RARB: variants seen among roughly 807,000 people sequenced by gnomAD.
RARB encodes retinoic acid receptor beta, also known as HBV-activated protein.
A neutral mutation model predicts 51.9 loss-of-function variants in RARB; 17 were observed. The ratio of observed to expected loss-of-function variants is 0.33; its 90% CI spans 0.22 to 0.49. The LOEUF (loss-of-function observed/expected upper bound fraction) is 0.49, where lower values mean the gene tolerates loss of function less well. Among genes scored for constraint, RARB ranks in the 20% least tolerant of loss-of-function variants. The pLI, the probability that RARB is intolerant of heterozygous loss-of-function variation, is 0.99. For missense variants in RARB, 369 were observed against 550.8 expected (o/e 0.67, Z 3.30); for synonymous variants, 215 against 195.4 (o/e 1.10, Z -0.84).
intron 2 of RARB, among the ~76,000 whole-genome samples, chr3:25,467,954 A>G (rs1053495072): frequency 5.3e-5 from 8 of 152,238 alleles, no homozygotes; most frequent in African/African-American, 1.4e-4. Context: ...AGAATGGTCT[A>G]ATAAAGAATA....
intron 2 of RARB, among the ~76,000 whole-genome samples, chr3:24,903,939 C>T (rs1207537251): frequency 1.3e-5 from 2 of 152,020 alleles, no homozygotes; most frequent in African/African-American, 4.8e-5. Flanking sequence ...AAAGTAAAAA[C>T]CATATTTCTG....
At chr3:25,384,462 C>T (rs1362109859) in intron 5 of RARB, among the ~76,000 whole-genome samples, 1 of 152,198 alleles carries the variant, frequency 6.6e-6, no homozygotes, top group Non-Finnish European at 1.5e-5. Context: ...ACTGGACTCT[C>T]AACTCCTATC....
At position 25,227,730 on chromosome 3, in the gene RARB, C is replaced by T. The variant is rs12054035; in HGVS notation, c.178+53155C>T. On this transcript the variant is annotated intron_variant, in intron 5 of 11. Transcript: ENST00000383772. ...CCAATAGTGGTTTATCATTAAGTCTCTGCTATATTTACATGGGAACCAGTC... is the reference window on the plus strand; with the variant it reads ...CCAATAGTGGTTTATCATTAAGTCTTTGCTATATTTACATGGGAACCAGTC... Among the ~76,000 whole-genome samples, 371 of 152,196 alleles carry T rather than the reference C, an allele frequency of 2.4e-3. 12 individuals are homozygous for T. The East Asian group carries it at 0.067, about 28-fold the overall frequency.
chr3:25,113,776 TC>T (rs1172955976), intron 3 of RARB, among the ~76,000 whole-genome samples: 3 of 152,092 alleles, frequency 2.0e-5, no homozygotes, highest in Non-Finnish European at 4.4e-5. Flanking sequence ...TCCAGAAAGT[TC>T]CCTGGCAACA....
At chr3:24,868,893 T>C (rs1444558582) in intron 2 of RARB, among the ~76,000 whole-genome samples, 1 of 152,192 alleles carries the variant, frequency 6.6e-6, no homozygotes, top group Non-Finnish European at 1.5e-5. Context: ...ATGTACACTT[T>C]ATATGTATTT....
intron 4 of RARB, among the ~76,000 whole-genome samples, chr3:25,164,991 C>G (rs1162560946): frequency 6.6e-6 from 1 of 152,138 alleles, no homozygotes; most frequent in Non-Finnish European, 1.5e-5. Flanking sequence ...TCACAGTCAA[C>G]TCAAGATTGG....
At chr3:25,043,380 T>A (rs557810423) in intron 2 of RARB, among the ~76,000 whole-genome samples, 2 of 152,344 alleles carry the variant, frequency 1.3e-5, no homozygotes, top group South Asian at 4.1e-4. Context: ...TTAATAGTAA[T>A]AAATACACCG....
intron 5 of RARB, among the ~76,000 whole-genome samples, chr3:25,366,602 A>G (rs1423792810): frequency 6.6e-6 from 1 of 152,232 alleles, no homozygotes; most frequent in Non-Finnish European, 1.5e-5. Context: ...ACAGGGCACA[A>G]TCAAAATATT....
chr3:25,398,882 T>C (rs1302645055), intron 5 of RARB, among the ~76,000 whole-genome samples: 2 of 152,230 alleles, frequency 1.3e-5, no homozygotes, highest in Non-Finnish European at 2.9e-5. Context: ...GTTAAAATGT[T>C]ATAAATTCAT....
intron 5 of RARB, among the ~76,000 whole-genome samples, chr3:25,366,525 T>C (rs369780091): frequency 6.6e-6 from 1 of 152,162 alleles, no homozygotes; most frequent in Non-Finnish European, 1.5e-5. Context: ...CAAAGATTCC[T>C]AGAAAACTGA....
At chr3:25,036,529 C>T (rs571714658) in intron 2 of RARB, among the ~76,000 whole-genome samples, 9 of 152,086 alleles carry the variant, frequency 5.9e-5, no homozygotes, top group African/African-American at 1.9e-4. Flanking sequence ...TACTGTGTGC[C>T]AACACTGGAA....
At chr3:25,446,802 CAAAAAAAAAA>C (rs5847356) in intron 1 of RARB, among the ~76,000 whole-genome samples, 12 of 69,076 alleles carry the variant, frequency 1.7e-4, no homozygotes, top group South Asian at 1.3e-3. Flanking sequence ...GACTCCGTCT[CAAAAAAAAAA>C]AAAAAAAAAA....
chr3:24,847,267 A>G (rs1189125964), intron 1 of RARB, among the ~76,000 whole-genome samples: 1 of 152,212 alleles, frequency 6.6e-6, no homozygotes, highest in Non-Finnish European at 1.5e-5. Flanking sequence ...GAAAGGTGTG[A>G]TAATGTAACC....
chr3:25,302,464 G>A (rs1704063634), intron 5 of RARB, among the ~76,000 whole-genome samples: 1 of 152,178 alleles, frequency 6.6e-6, no homozygotes, highest in Admixed American at 6.5e-5. Flanking sequence ...TTACAACATG[G>A]ATAAACCCTG....
At chr3:25,498,511 C>T (rs1453715580) in intron 2 of RARB, among the ~76,000 whole-genome samples, 2 of 152,128 alleles carry the variant, frequency 1.3e-5, no homozygotes, top group African/African-American at 4.8e-5. Flanking sequence ...TCCTGAAATC[C>T]AGCCAAAAAT....
chr3:24,867,503 T>C (rs1219472064), intron 2 of RARB, among the ~76,000 whole-genome samples: 1 of 152,126 alleles, frequency 6.6e-6, no homozygotes, highest in Non-Finnish European at 1.5e-5. Context: ...AGACTCGATT[T>C]TGAAGTAACG....
chr3:25,240,966 C>T (rs1022091486), intron 5 of RARB, among the ~76,000 whole-genome samples: 1 of 152,032 alleles, frequency 6.6e-6, no homozygotes, highest in Non-Finnish European at 1.5e-5. Flanking sequence ...CTAGGCTTTT[C>T]TTTATTGAGA....
intron 5 of RARB, among the ~76,000 whole-genome samples, chr3:25,366,268 T>C (rs1394982576): frequency 6.6e-6 from 1 of 152,210 alleles, no homozygotes; most frequent in East Asian, 1.9e-4. Context: ...GGCTAACAAG[T>C]AGTAGAGAAA....
intron 3 of RARB, among the ~76,000 whole-genome samples, chr3:25,099,615 TAAAAA>T (rs10540610): frequency 2.1e-5 from 3 of 142,540 alleles, no homozygotes; most frequent in Admixed American, 7.0e-5. Flanking sequence ...TTTCAGGATT[TAAAAA>T]AAAAAAAAAA....
Sources: gnomAD v4.1 joint callset for allele counts (sites outside exome capture counted in the v4.1 genomes callset) on GRCh38, gnomAD v4.1.1 for gene constraint, MANE v1.5 for transcripts, NCBI Gene and HGNC (gene_info 2026-07-23, HGNC 2026-07-21) for gene names.